The following PIGF variants were observed in gnomAD, a reference collection of about 807,000 sequenced individuals.
The protein encoded by PIGF is GPI ethanolamine phosphate transferase, stabilizing subunit.
Under a neutral mutation model 26.0 loss-of-function variants are expected in PIGF, and 23 were observed. The ratio of observed to expected loss-of-function variants is 0.88; its 90% CI spans 0.64 to 1.25. PIGF has a LOEUF of 1.25. PIGF is among the 50% of genes most tolerant of loss of function. The pLI, the probability that PIGF is intolerant of heterozygous loss-of-function variation, is 0.00. For missense variants in PIGF, 278 were observed against 249.9 expected (o/e 1.11, Z -0.76); for synonymous variants, 93 against 92.6 (o/e 1.00, Z -0.03).
At position 46,615,140 on chromosome 2, in the gene PIGF, G is replaced by A. The variant is rs548278517; in HGVS notation, c.25C>T (p.Leu9=). 1 of 1,534,092 alleles carries A rather than the reference G, an allele frequency of 6.5e-7. No homozygotes were observed. The highest frequency in any genetic ancestry group is 2.2e-5 in the East Asian group (1 of 44,452). Residue 9 remains leucine, a synonymous_variant, in exon 2 of 6, where the codon CTA becomes TTA. Coordinates refer to ENST00000281382, the MANE Select transcript of PIGF (RefSeq NM_002643.4). ...ATGCATAAAAGATGGGTATACAGTAGTCTCTTGATATCGTTATCTTTCATG... is the reference window on the plus strand; with the variant it reads ...ATGCATAAAAGATGGGTATACAGTAATCTCTTGATATCGTTATCTTTCATG... MKDNDIKR[L]LYTHLLCIFS...
At chr2:46,603,028 A>G (rs1670108208) in intron 4 of PIGF, among the ~76,000 whole-genome samples, 2 of 152,124 alleles carry the variant, frequency 1.3e-5, no homozygotes, top group South Asian at 4.1e-4. Flanking sequence ...AGGATACAAA[A>G]TCAACATACA....
At chr2:46,596,622 A>G (rs1669892886) in intron 4 of PIGF, among the ~76,000 whole-genome samples, 1 of 151,920 alleles carries the variant, frequency 6.6e-6, no homozygotes, top group Non-Finnish European at 1.5e-5. Context: ...CAAGACAGAT[A>G]TTTTCAACTC....
intron 4 of PIGF, among the ~76,000 whole-genome samples, chr2:46,601,430 C>T (rs1440778617): frequency 2.0e-5 from 3 of 152,044 alleles, no homozygotes; most frequent in African/African-American, 7.2e-5. Flanking sequence ...GTATCAGACA[C>T]CTGAGGGTAG....
At chr2:46,613,137 T>G (rs531625761) in intron 3 of PIGF, among the ~76,000 whole-genome samples, 1 of 152,130 alleles carries the variant, frequency 6.6e-6, no homozygotes, top group African/African-American at 2.4e-5. Flanking sequence ...ACCATGATCA[T>G]TAATCACTGC....
rs750472445 is a variant in PIGF, at chr2:46,588,653, A to G, written c.546+3822T>C. 41 of 152,394 alleles carry G rather than the reference A, an allele frequency of 2.7e-4. No individual in the cohort carries two copies. The highest frequency in any genetic ancestry group is 4.5e-4 in the Non-Finnish European group (31 of 68,170). 9.4% of individuals were successfully genotyped at this position (152,394 alleles called of 1,614,324 possible). A position where few individuals can be genotyped will look rare whatever the true frequency, so the allele number is the denominator to read the frequency against. On this transcript the variant is annotated intron_variant, in intron 5 of 5. Transcript: ENST00000281382. The surrounding 1 kb of genome is among the most constrained non-coding windows in gnomAD (Gnocchi z 4.1). ...ATTTCCTGTGCTCAGAATAACCAAC[A>G]ATATTTCTTAACCTTCCACTAATTT...
chr2:46,602,207 T>G (rs947062375), intron 4 of PIGF, among the ~76,000 whole-genome samples: 2 of 151,956 alleles, frequency 1.3e-5, no homozygotes, highest in Admixed American at 1.3e-4. Context: ...TTTGTTTTCC[T>G]GGAGTAACTT....
At chr2:46,585,303 G>GT (rs139880094) in intron 5 of PIGF, among the ~76,000 whole-genome samples, 9,987 of 152,234 alleles carry the variant, frequency 0.066, 451 homozygotes, top group Non-Finnish European at 0.1. Context: ...GATAGTGAGA[G>GT]TTTTTTATAA....
chr2:46,586,152 A>G (rs938220565), intron 5 of PIGF, among the ~76,000 whole-genome samples: 2 of 152,204 alleles, frequency 1.3e-5, no homozygotes, highest in African/African-American at 2.4e-5. Flanking sequence ...GCTGTACAAC[A>G]TACTGGCATT....
At position 46,596,139 on chromosome 2, in the gene PIGF, G is replaced by A. The variant is rs763693875; in HGVS notation, c.438-3556C>T. 5.3e-5 allele frequency among the ~76,000 whole-genome samples: 8 copies of A among 151,632 alleles called. No homozygotes were observed. In the South Asian group the frequency reaches 1.3e-3, roughly 24 times the overall value. ...TGAGAACGGAGAATCGCTTGAACCC[G>A]GGAGGCGGAGGTTGTCGTGAGCCGA... On this transcript the variant is annotated intron_variant, in intron 4 of 5. Transcript: ENST00000281382.
rs1049744739 is a variant in PIGF, at chr2:46,581,550, G to A, written c.588C>T (p.Tyr196=). 6.2e-6 allele frequency: 10 copies of A among 1,611,458 alleles called. No individual in the cohort carries two copies. Among genetic ancestry groups the A allele is most frequent in the Admixed American group, 3.3e-5 (2 of 59,980 alleles). ...ISCTLGATFG[Y]VAGLVISPLW... is the part of the protein sequence containing the mutation. ...GTGGTGAAATAACAAGGCCAGCCACGTAGCCAAAGGTCGCTCCAAGCGTAC... is the reference window on the plus strand; with the variant it reads ...GTGGTGAAATAACAAGGCCAGCCACATAGCCAAAGGTCGCTCCAAGCGTAC... The change falls in exon 6 of 6, where the codon TAC becomes TAT. Residue 196 remains tyrosine, a synonymous_variant. Coordinates refer to ENST00000281382, the MANE Select transcript of PIGF (RefSeq NM_002643.4).
intron 3 of PIGF, among the ~76,000 whole-genome samples, 199 bp from the exon 4 acceptor site, chr2:46,612,543 G>A (rs1418346842): frequency 1.3e-5 from 2 of 152,090 alleles, no homozygotes; most frequent in Non-Finnish European, 2.9e-5. Flanking sequence ...CAAGTATTTC[G>A]CTTTAATGAT....
chr2:46,594,530 G>A (rs1292387309), intron 4 of PIGF, among the ~76,000 whole-genome samples: 1 of 113,222 alleles, frequency 8.8e-6, no homozygotes, highest in East Asian at 2.4e-4. Context: ...GTAGGGCAGA[G>A]TTAGGATTTT....
rs113562214 is a variant in PIGF at position 46,614,980 on chromosome 2, A to G, written c.185T>C (p.Val62Ala). 0.011 allele frequency: 17,567 copies of G among 1,599,654 alleles called. 108 individuals are homozygous for G. The highest frequency in any genetic ancestry group is 0.013 in the Non-Finnish European group (15,406 of 1,166,866). The change falls in exon 2 of 6, where the codon GTG becomes GCG. Residue 62 changes from valine (V) to alanine (A), a missense_variant. Val to Ala is a moderately conservative substitution (Grantham distance 64). Coordinates refer to ENST00000281382, the MANE Select transcript of PIGF (RefSeq NM_002643.4). ...TCTTTTAGAGGATGTATTTGGTTTC[A>G]CTACTAAATATAGTACTAGATTGAC... ...TAVNLVLYLV[V>A]KPNTSSKRSS...
intron 4 of PIGF, among the ~76,000 whole-genome samples, chr2:46,608,012 G>C (rs1329895771): frequency 6.6e-6 from 1 of 152,168 alleles, no homozygotes; most frequent in Non-Finnish European, 1.5e-5. Context: ...ATTTCTTAAA[G>C]TGAAATTTTA....
rs1038997346 is a variant in PIGF, at chr2:46,617,028, G to A, written c.-80C>T. On this transcript the variant is annotated 5_prime_UTR_variant, in exon 1 of 6. Transcript: ENST00000281382. ...ACTACTGCCTCCTACCATCAGGTAC[G>A]ACGGGCGGCCCAGGCCCACGCGCAG... The A allele has an allele frequency of 4.3e-5, 25 of 587,346 alleles. No homozygotes were observed. Among genetic ancestry groups the A allele is most frequent in the Non-Finnish European group, 5.1e-5 (17 of 330,298 alleles). The allele number at this position is 587,346 out of a possible 1,614,324, so 36.4% of individuals were successfully genotyped here.
In PIGF at chr2:46,588,401, G is replaced by C; in HGVS notation, c.546+4074C>G. 2 of 468,194 alleles carry C rather than the reference G, an allele frequency of 4.3e-6. No homozygotes were observed. The highest frequency in any genetic ancestry group is 4.2e-5 in the Admixed American group (1 of 23,962). 29.0% of individuals were successfully genotyped at this position (468,194 alleles called of 1,614,324 possible). A position where few individuals can be genotyped will look rare whatever the true frequency, so the allele number is the denominator to read the frequency against. Reference sequence around the variant, plus strand: ...GCATTTTTTGAAGGCTAAAAATATAGTCATTAAACTATGTCTTTTCTAGGT... The same window carrying C: ...GCATTTTTTGAAGGCTAAAAATATACTCATTAAACTATGTCTTTTCTAGGT... On this transcript the variant is annotated intron_variant, in intron 5 of 5. Coordinates refer to ENST00000281382, the MANE Select transcript of PIGF (RefSeq NM_002643.4). This position sits in a 1 kb window ranked among gnomAD's most constrained non-coding sequence, Gnocchi z 4.1.
chr2:46,603,542 G>A (rs1268650214), intron 4 of PIGF, among the ~76,000 whole-genome samples: 3 of 151,960 alleles, frequency 2.0e-5, no homozygotes, highest in Non-Finnish European at 2.9e-5. Flanking sequence ...AGAGAACCCA[G>A]AAGTAAATCC....
intron 4 of PIGF, among the ~76,000 whole-genome samples, chr2:46,597,814 C>G (rs1158131103): frequency 6.6e-6 from 1 of 152,188 alleles, no homozygotes; most frequent in Non-Finnish European, 1.5e-5. Context: ...TCATGTTTCT[C>G]TCATTCTCTA....
chr2:46,584,798 G>A (rs988597325), intron 5 of PIGF, among the ~76,000 whole-genome samples: 2 of 152,072 alleles, frequency 1.3e-5, no homozygotes, highest in Admixed American at 6.6e-5. Flanking sequence ...TTTAAGGGCC[G>A]TTTTCATGAT....
Sources: gnomAD v4.1 joint callset for allele counts (sites outside exome capture counted in the v4.1 genomes callset) on GRCh38, gnomAD v4.1.1 for gene constraint, Gnocchi (gnomAD v3.1) non-coding constraint, MANE v1.5 for transcripts, NCBI Gene and HGNC (gene_info 2026-07-23, HGNC 2026-07-21) for gene names.